Variants in CROCC observed in about 807,000 individuals in gnomAD.
The protein encoded by CROCC is ciliary rootlet coiled-coil, rootletin.
Under a neutral mutation model 245.2 loss-of-function variants are expected in CROCC, and 180 were observed. That is an observed-to-expected ratio of 0.73 (90% CI 0.65 to 0.83). The LOEUF (loss-of-function observed/expected upper bound fraction) is 0.83, where lower values mean the gene tolerates loss of function less well. Among genes scored for constraint, CROCC ranks in the 40% least tolerant of loss-of-function variants. The pLI, the probability that CROCC is intolerant of heterozygous loss-of-function variation, is 0.00. For missense variants in CROCC, 2,688 were observed against 2,779.4 expected (o/e 0.97, Z 0.74); for synonymous variants, 1,205 against 1,241.6 (o/e 0.97, Z 0.62).
At chr1:16,949,762 G>C (rs1170425248) in intron 19 of CROCC, among the ~76,000 whole-genome samples, 1 of 152,186 alleles carries the variant, frequency 6.6e-6, no homozygotes, top group Non-Finnish European at 1.5e-5. Flanking sequence ...GTCAGGAATA[G>C]GGTTGTTTTT....
At position 16,931,299 on chromosome 1, in the gene CROCC, C is replaced by T. The variant is rs143310728; in HGVS notation, c.858C>T (p.Asn286=). 1.3e-4 allele frequency: 211 copies of T among 1,610,668 alleles called. No individual in the cohort carries two copies. The highest frequency in any genetic ancestry group is 1.6e-4 in the Non-Finnish European group (187 of 1,177,720). The part of the protein sequence containing the change: ...AAWRREEESF[N]AYFSNEHSRL... ...GCATGTCTTCCCTCCAGTCCTTCAA[C>T]GCCTACTTCAGCAACGAGCACAGTC... is the stretch of plus-strand genomic sequence containing the variant. Residue 286 remains asparagine (N), a synonymous_variant, in exon 8 of 37, where the codon AAC becomes AAT. Transcript: ENST00000375541.
chr1:16,963,059 T>C (rs903966480), intron 27 of CROCC, among the ~76,000 whole-genome samples: 3 of 151,530 alleles, frequency 2.0e-5, no homozygotes, highest in Non-Finnish European at 4.4e-5. Flanking sequence ...GGCAGACGCC[T>C]GTAATCCCAG....
Position 16,937,670 on chromosome 1 carries a change from G to C in CROCC, c.1223G>C (p.Arg408Pro). The C allele has an allele frequency of 1.2e-6, 2 of 1,611,580 alleles. No individual in the cohort carries two copies. Among genetic ancestry groups the C allele is most frequent in the Non-Finnish European group, 1.7e-6 (2 of 1,179,576 alleles). ...ACAGAGCTGGGCCTGGCAGTGAAGC[G>C]TCTTGAGAAGCAGAATCTGGAGAAG... Reference protein sequence around the residue: ...RVTELGLAVKRLEKQNLEKDQ... With the variant: ...RVTELGLAVKPLEKQNLEKDQ... Residue 408 changes from arginine to proline, a missense_variant, in exon 10 of 37, where the codon CGT becomes CCT. By Grantham distance (103) the Arg-to-Pro change is moderately radical (BLOSUM62 -2). Transcript: ENST00000375541.
intron 11 of CROCC, 63 bp from the exon 12 acceptor site, chr1:16,938,846 G>A (rs1324149636): frequency 6.6e-7 from 1 of 1,508,234 alleles, no homozygotes. Context: ...GGGCGTCTTT[G>A]CCCAGCTAAC....
intron 2 of CROCC, 95 bp from the exon 3 acceptor site, chr1:16,924,230 C>T: frequency 6.7e-7 from 1 of 1,488,098 alleles, no homozygotes; most frequent in Non-Finnish European, 9.1e-7. Flanking sequence ...CTGGACTCCT[C>T]CCAGGGGCCT....
At chr1:16,934,643 A>T (rs1360466566) in intron 8 of CROCC, among the ~76,000 whole-genome samples, 1 of 152,264 alleles carries the variant, frequency 6.6e-6, no homozygotes, top group Admixed American at 6.5e-5. Flanking sequence ...AGTAGCCTTT[A>T]AAATTTTTAT....
In CROCC at chr1:16,958,934, G is replaced by A. The variant is rs185387089; in HGVS notation, c.4032+184G>A. 8.7e-4 allele frequency among the ~76,000 whole-genome samples: 132 copies of A among 152,304 alleles called. 1 individual carries two copies. The highest frequency in any genetic ancestry group is 1.5e-3 in the Non-Finnish European group (103 of 68,016). ...AAGAACAGTGGGCCTACTGTGTGCC[G>A]GCACAAAATGGGTAGGGAGAGGCCC... On this transcript the variant is annotated intron_variant, in intron 26 of 36. Coordinates refer to ENST00000375541, the MANE Select transcript of CROCC (RefSeq NM_014675.5).
chr1:16,939,407 G>T (rs1390640706), intron 12 of CROCC, among the ~76,000 whole-genome samples: 1 of 152,252 alleles, frequency 6.6e-6, no homozygotes, highest in African/African-American at 2.4e-5. Flanking sequence ...GGCAGCTGGT[G>T]GAGGGAGGAG....
In CROCC at chr1:16,954,372, G is replaced by A; in HGVS notation, c.3321+15G>A. ...AGCAGGACCGGGTAGGGCAGGCTGG[G>A]CAGCTGGGCCTCTGTCTCATAGAGA... On this transcript the variant is annotated intron_variant, in intron 22 of 36. Coordinates refer to ENST00000375541, the MANE Select transcript of CROCC (RefSeq NM_014675.5). This position sits in a 1 kb window ranked among gnomAD's most constrained non-coding sequence, Gnocchi z 4.4. 1.9e-6 allele frequency: 3 copies of A among 1,606,004 alleles called. No individual in the cohort carries two copies. Among genetic ancestry groups the A allele is most frequent in the Non-Finnish European group, 2.6e-6 (3 of 1,176,212 alleles).
chr1:16,968,966 G>C, intron 31 of CROCC, 150 bp from the exon 32 acceptor site: 2 of 808,428 alleles, frequency 2.5e-6, no homozygotes, highest in Non-Finnish European at 4.2e-6. Flanking sequence ...GCCAGCAGGA[G>C]TGCTTAGGAA....
intron 27 of CROCC, 41 bp from the exon 28 acceptor site, chr1:16,965,682 G>A (rs779136565): frequency 1.3e-5 from 19 of 1,426,804 alleles, no homozygotes; most frequent in African/African-American, 9.9e-5. Context: ...TGGGAGGCCC[G>A]TGGCTTCTGC....
In CROCC at chr1:16,922,809, C is replaced by A; in HGVS notation, c.196+11C>A. On this transcript the variant is annotated intron_variant, in intron 2 of 36. Transcript: ENST00000375541. ...AGCCTGAGAGCCCAGGTGCCACCCC[C>A]ATCCGCTCCCCTCCACAAACACCAC... The A allele has an allele frequency of 6.2e-7, 1 of 1,608,778 alleles. No individual in the cohort carries two copies. The highest frequency in any genetic ancestry group is 8.5e-7 in the Non-Finnish European group (1 of 1,178,094).
intron 1 of CROCC, among the ~76,000 whole-genome samples, chr1:16,915,708 G>T (rs1169125990): frequency 1.3e-5 from 2 of 152,246 alleles, no homozygotes; most frequent in East Asian, 3.8e-4. Flanking sequence ...GCCACTGGAG[G>T]GACCTCTTTA....
At chr1:16,957,353 G>A (rs923605804) in intron 25 of CROCC, among the ~76,000 whole-genome samples, 1 of 152,184 alleles carries the variant, frequency 6.6e-6, no homozygotes, top group Non-Finnish European at 1.5e-5. Flanking sequence ...GCTGCAGTGA[G>A]CTGTGATCGC....
intron 3 of CROCC, among the ~76,000 whole-genome samples, chr1:16,927,944 G>C (rs573424656): frequency 6.6e-6 from 1 of 152,294 alleles, no homozygotes; most frequent in Non-Finnish European, 1.5e-5. Context: ...CACGTGTCCC[G>C]GGGGTGGGGT....
intron 3 of CROCC, among the ~76,000 whole-genome samples, chr1:16,928,218 G>A (rs2075580554): frequency 1.3e-5 from 2 of 152,288 alleles, no homozygotes; most frequent in Non-Finnish European, 2.9e-5. Context: ...TAGCATCAGA[G>A]TAAGCTGGGC....
Position 16,924,935 on chromosome 1 carries a change from A to G in CROCC, c.351+456A>G, listed in dbSNP as rs1198767962. On this transcript the variant is annotated intron_variant, in intron 3 of 36. Coordinates refer to ENST00000375541, the MANE Select transcript of CROCC (RefSeq NM_014675.5). The stretch of plus-strand genomic sequence containing the variant: ...TCTGCAGCCCATCTGGGGCAGCCAC[A>G]AGACCTGCCGCCACTGCCTATTGGA... 2.0e-5 allele frequency among the ~76,000 whole-genome samples: 3 copies of G among 152,382 alleles called. No homozygotes were observed. In the East Asian group the frequency reaches 5.8e-4, roughly 29 times the overall value.
chr1:16,969,356 T>A lies in CROCC; in HGVS notation c.5301+16T>A. ...AGTACTCCAGGTCTCGGGCCCAGGGTCTGGCTGGGGTGGGCCCAGTGAGAG... is the reference window on the plus strand; with the variant it reads ...AGTACTCCAGGTCTCGGGCCCAGGGACTGGCTGGGGTGGGCCCAGTGAGAG... On this transcript the variant is annotated intron_variant, in intron 32 of 36. Transcript: ENST00000375541. The A allele has an allele frequency of 6.2e-7, 1 of 1,601,670 alleles. No individual in the cohort carries two copies.
chr1:16,962,556 A>AAAAC (rs2076351294), intron 27 of CROCC, among the ~76,000 whole-genome samples: 3 of 105,848 alleles, frequency 2.8e-5, no homozygotes, highest in South Asian at 3.4e-4. Context: ...AAAAAAAAAA[A>AAAAC]AAAAACAGGA....
Sources: gnomAD v4.1 joint callset for allele counts (sites outside exome capture counted in the v4.1 genomes callset) on GRCh38, gnomAD v4.1.1 for gene constraint, Gnocchi (gnomAD v3.1) non-coding constraint, MANE v1.5 for transcripts, NCBI Gene and HGNC (gene_info 2026-07-23, HGNC 2026-07-21) for gene names.